The following IMP4 variants were observed in gnomAD, a reference collection of about 807,000 sequenced individuals.
IMP4 encodes the protein U3 small nucleolar ribonucleoprotein IMP4.
IMP4 carries 30 observed loss-of-function variants against 42.7 expected under a neutral mutation model. The observed-to-expected ratio is 0.70, with a 90% CI of 0.53 to 0.95. The LOEUF is 0.95. Among genes scored for constraint, IMP4 ranks in the 40% least tolerant of loss-of-function variants. The probability of loss-of-function intolerance (pLI) is 0.00; values close to 1 mark genes in which losing one functional copy is unlikely to be tolerated. For missense variants in IMP4, 382 were observed against 411.4 expected (o/e 0.93, Z 0.62); for synonymous variants, 165 against 165.2 (o/e 1.00, Z 0.01).
Position 130,342,946 on chromosome 2 carries a change from G to T in IMP4, c.3+11G>T. On this transcript the variant is annotated intron_variant, in intron 1 of 8. Transcript: ENST00000259239. ...GCGGCACTCAAGATGGTAGGAGAAT[G>T]AGCTCCTGTTTCGGAGGTCCGGGGC... 1.9e-6 allele frequency: 3 copies of T among 1,614,194 alleles called. No homozygotes were observed. Among genetic ancestry groups the T allele is most frequent in the Non-Finnish European group, 2.5e-6 (3 of 1,180,018 alleles).
chr2:130,346,690 G>T lies in IMP4; in HGVS notation c.*222G>T. Reference sequence around the variant, plus strand: ...AAGCCCATGGGATCCCTTTGGGTGGGGACCTGATGGCTGTGGGACGTGCTT... The same window carrying T: ...AAGCCCATGGGATCCCTTTGGGTGGTGACCTGATGGCTGTGGGACGTGCTT... On this transcript the variant is annotated 3_prime_UTR_variant, in exon 9 of 9. Transcript: ENST00000259239. 1.7e-6 allele frequency: 1 copy of T among 593,048 alleles called. No individual in the cohort carries two copies. The highest frequency in any genetic ancestry group is 2.0e-5 in the South Asian group (1 of 50,874). The allele number at this position is 593,048 out of a possible 1,614,324, so 36.7% of individuals were successfully genotyped here.
rs113605843 is a variant in IMP4 at position 130,345,108 on chromosome 2, T to C, written c.197-268T>C. ...ACCGTTGGCCTTAGCAGAGTGTGGA[T>C]TTCGTTGTGTAATGGAGTAGCTGCT... is the stretch of plus-strand genomic sequence containing the variant. On this transcript the variant is annotated intron_variant, in intron 3 of 8. Coordinates refer to ENST00000259239, the MANE Select transcript of IMP4 (RefSeq NM_033416.3). The surrounding 1 kb of genome is among the most constrained non-coding windows in gnomAD (Gnocchi z 4.9). 2.5e-3 allele frequency: 1,392 copies of C among 567,096 alleles called. 11 individuals are homozygous for C. The highest frequency in any genetic ancestry group is 0.022 in the African/African-American group (1,181 of 53,468). 35.1% of individuals were successfully genotyped at this position (567,096 alleles called of 1,614,324 possible). A position where few individuals can be genotyped will look rare whatever the true frequency, so the allele number is the denominator to read the frequency against.
chr2:130,344,747 C>T (rs1351764271), intron 3 of IMP4, 35 bp downstream of exon 3: 1 of 1,429,630 alleles, frequency 7.0e-7, no homozygotes, highest in South Asian at 1.1e-5. Flanking sequence ...CAACACTGAG[C>T]TGGCAGGTCT....
chr2:130,345,661 C>G lies in IMP4; in HGVS notation c.401C>G (p.Thr134Ser). The change falls in exon 5 of 9, where the codon ACC becomes AGC. Residue 134 changes from threonine (T) to serine (S), a missense_variant. By Grantham distance (58) the Thr-to-Ser change is moderately conservative. Coordinates refer to ENST00000259239, the MANE Select transcript of IMP4 (RefSeq NM_033416.3). This position sits in a 1 kb window ranked among gnomAD's most constrained non-coding sequence, Gnocchi z 4.9. Reference sequence around the variant, plus strand: ...CGAGCCTGCAAAGCCAACGGCGTCACCGATCTGCTGGTCGTTCACGAGCAT... The same window carrying G: ...CGAGCCTGCAAAGCCAACGGCGTCAGCGATCTGCTGGTCGTTCACGAGCAT... Reference protein sequence around the residue: ...LVRACKANGVTDLLVVHEHRG... With the variant: ...LVRACKANGVSDLLVVHEHRG... 1 of 1,614,122 alleles carries G rather than the reference C, an allele frequency of 6.2e-7. No individual in the cohort carries two copies. The highest frequency in any genetic ancestry group is 8.5e-7 in the Non-Finnish European group (1 of 1,180,040).
In IMP4 at chr2:130,345,247, G is replaced by A. The variant is rs538047467; in HGVS notation, c.197-129G>A. ...TAGTTGGAGGCTGCCCTCTTGCCCG[G>A]TGTGCATGTGGAGCATTCCTATTGT... is the stretch of plus-strand genomic sequence containing the variant. On this transcript the variant is annotated intron_variant, in intron 3 of 8. Transcript: ENST00000259239. The surrounding 1 kb of genome is among the most constrained non-coding windows in gnomAD (Gnocchi z 4.9). 1,024 of 699,140 alleles carry A rather than the reference G, an allele frequency of 1.5e-3. 3 individuals are homozygous for A. The highest frequency in any genetic ancestry group is 2.0e-3 in the Non-Finnish European group (781 of 388,726). The allele number at this position is 699,140 out of a possible 1,614,324, so 43.3% of individuals were successfully genotyped here. A position where few individuals can be genotyped will look rare whatever the true frequency, so the allele number is the denominator to read the frequency against.
Position 130,347,162 on chromosome 2 carries a change from A to G in IMP4, c.*694A>G, listed in dbSNP as rs1679642407. On this transcript the variant is annotated 3_prime_UTR_variant, in exon 9 of 9. Transcript: ENST00000259239. ...ATGGGAGTATAGCTATCTTTTGAAG[A>G]TAATGATTTCATCTCTTTTTTATAT... 1 of 152,488 alleles carries G rather than the reference A, an allele frequency of 6.6e-6. No homozygotes were observed. The highest frequency in any genetic ancestry group is 2.4e-5 in the African/African-American group (1 of 41,460). 9.4% of individuals were successfully genotyped at this position (152,488 alleles called of 1,614,324 possible). A position where few individuals can be genotyped will look rare whatever the true frequency, so the allele number is the denominator to read the frequency against.
rs1436277260 is a variant in IMP4 at position 130,343,145 on chromosome 2, G to C, written c.63G>C (p.Ala21=). The change falls in exon 2 of 9, where the codon GCG becomes GCC. Residue 21 remains alanine, a synonymous_variant. Transcript: ENST00000259239. ...TGTACCGCAAGGCCCGGGAGGAGGC[G>C]CAGCGCTCAGCCCAGGAGAGGAAGG... ...EYLYRKAREE[A]QRSAQERKER... The C allele has an allele frequency of 6.5e-7, 1 of 1,550,006 alleles. No individual in the cohort carries two copies. The highest frequency in any genetic ancestry group is 2.4e-5 in the East Asian group (1 of 40,902).
Position 130,345,686 on chromosome 2 carries a change from TC to T in IMP4, c.427del (p.Arg143GlyfsTer111). On this transcript the variant is annotated frameshift_variant, in exon 5 of 9. Coordinates refer to ENST00000259239, the MANE Select transcript of IMP4 (RefSeq NM_033416.3). LOFTEE classifies it high-confidence loss of function. The surrounding 1 kb of genome is among the most constrained non-coding windows in gnomAD (Gnocchi z 4.9). Reference protein sequence around the residue: ...VTDLLVVHEHRGTPVGLIVSH... With the variant: ...VTDLLVVHEHXGTPVGLIVSH... ...CCGATCTGCTGGTCGTTCACGAGCATCGGGGCACACCTGGTAAGGCCGGAGG... is the reference window on the plus strand; with the variant it reads ...CCGATCTGCTGGTCGTTCACGAGCATGGGGCACACCTGGTAAGGCCGGAGG... 1 of 1,613,720 alleles carries T rather than the reference TC, an allele frequency of 6.2e-7. No homozygotes were observed. The highest frequency in any genetic ancestry group is 2.2e-5 in the East Asian group (1 of 44,842).
chr2:130,346,524 A>AT lies in IMP4; in HGVS notation c.*56_*57insT. On this transcript the variant is annotated 3_prime_UTR_variant, in exon 9 of 9. Coordinates refer to ENST00000259239, the MANE Select transcript of IMP4 (RefSeq NM_033416.3). Reference sequence around the variant, plus strand: ...TTGGAACTCAGGATGGGGCTGTCATAGACAGACCCACCAGTAGGAACTGTC... The same window carrying AT: ...TTGGAACTCAGGATGGGGCTGTCATATGACAGACCCACCAGTAGGAACTGTC... 48 of 1,176,336 alleles carry AT rather than the reference A, an allele frequency of 4.1e-5. No individual in the cohort carries two copies. The highest frequency in any genetic ancestry group is 5.6e-5 in the Non-Finnish European group (45 of 808,470). The allele number at this position is 1,176,336 out of a possible 1,614,324, so 72.9% of individuals were successfully genotyped here. A position where few individuals can be genotyped will look rare whatever the true frequency, so the allele number is the denominator to read the frequency against.
rs763501922 is a variant in IMP4 at position 130,345,720 on chromosome 2, T to G, written c.439+21T>G. On this transcript the variant is annotated intron_variant, in intron 5 of 8. Transcript: ENST00000259239. The surrounding 1 kb of genome is among the most constrained non-coding windows in gnomAD (Gnocchi z 4.9). ...ACCTGGTAAGGCCGGAGGGAGGGAG[T>G]CGGGGTGGGAGCCGTCTGAGGGCAG... 1 of 1,611,942 alleles carries G rather than the reference T, an allele frequency of 6.2e-7. No individual in the cohort carries two copies.
Position 130,344,636 on chromosome 2 carries a change from C to T in IMP4, c.120C>T (p.Arg40=). ...ERLRRALEEN[R]LIPTELRREA... ...TCTCTCTTCCCTCTGCAGAAAACCGCCTGATTCCCACTGAGTTACGCCGAG... is the reference window on the plus strand; with the variant it reads ...TCTCTCTTCCCTCTGCAGAAAACCGTCTGATTCCCACTGAGTTACGCCGAG... The change falls in exon 3 of 9, where the codon CGC becomes CGT. Residue 40 remains arginine, a synonymous_variant. Coordinates refer to ENST00000259239, the MANE Select transcript of IMP4 (RefSeq NM_033416.3). 1 of 1,613,780 alleles carries T rather than the reference C, an allele frequency of 6.2e-7. No individual in the cohort carries two copies. Among genetic ancestry groups the T allele is most frequent in the African/African-American group, 1.3e-5 (1 of 75,064 alleles).
intron 2 of IMP4, among the ~76,000 whole-genome samples, chr2:130,343,917 G>A (rs1034785192): frequency 8.5e-5 from 13 of 152,190 alleles, no homozygotes; most frequent in African/African-American, 3.1e-4. Flanking sequence ...TCCAGGGCCC[G>A]CTGAAGCCAT....
rs774670284 is a variant in IMP4 at position 130,346,474 on chromosome 2, C to T, written c.*6C>T. The stretch of plus-strand genomic sequence containing the variant: ...TCTTCCTGAGCACCGAGTGAGCACA[C>T]TCACCACTCAGTCAGGACATGGACT... On this transcript the variant is annotated 3_prime_UTR_variant, in exon 9 of 9. Coordinates refer to ENST00000259239, the MANE Select transcript of IMP4 (RefSeq NM_033416.3). The T allele has an allele frequency of 3.8e-5, 58 of 1,541,814 alleles. No individual in the cohort carries two copies. The highest frequency in any genetic ancestry group is 4.8e-5 in the Non-Finnish European group (55 of 1,137,578).
chr2:130,343,438 G>A (rs372488819), intron 2 of IMP4: 3 of 694,088 alleles, frequency 4.3e-6, no homozygotes, highest in Non-Finnish European at 5.4e-6. Context: ...AAGTTTTAAA[G>A]ACTTTATCTT....
At chr2:130,343,940 CTGT>C (rs1679292762) in intron 2 of IMP4, among the ~76,000 whole-genome samples, 5 of 152,198 alleles carry the variant, frequency 3.3e-5, no homozygotes, top group Non-Finnish European at 7.3e-5. Flanking sequence ...CTTCGAAGCG[CTGT>C]GGGCATCGTG....
Position 130,343,365 on chromosome 2 carries a change from C to G in IMP4, c.112+171C>G, listed in dbSNP as rs1382367809. 4.2e-6 allele frequency: 3 copies of G among 721,104 alleles called. No homozygotes were observed. In the East Asian group the frequency reaches 8.1e-5, roughly 19 times the overall value. The allele number at this position is 721,104 out of a possible 1,614,324, so 44.7% of individuals were successfully genotyped here. On this transcript the variant is annotated intron_variant, in intron 2 of 8. Coordinates refer to ENST00000259239, the MANE Select transcript of IMP4 (RefSeq NM_033416.3). ...GTGTGATGGTATTAATTACTTGTCA[C>G]TGACGTTGCAGTACCCGGGTTTTGC...
intron 2 of IMP4, among the ~76,000 whole-genome samples, chr2:130,344,156 G>A (rs1261878883): frequency 6.6e-6 from 1 of 152,136 alleles, no homozygotes; most frequent in Non-Finnish European, 1.5e-5. Context: ...GTGAAACCCC[G>A]TCTCTACTAA....
At position 130,346,762 on chromosome 2, in the gene IMP4, TA is replaced by T; in HGVS notation, c.*296del. 1 of 463,396 alleles carries T rather than the reference TA, an allele frequency of 2.2e-6. No homozygotes were observed. The highest frequency in any genetic ancestry group is 2.2e-5 in the South Asian group (1 of 46,302). 28.7% of individuals were successfully genotyped at this position (463,396 alleles called of 1,614,324 possible). ...GTTAACAGAGAGAGAGATTTGATGCTAACGTCCCCTCAAGAGTGAGGGTCAT... is the reference window on the plus strand; with the variant it reads ...GTTAACAGAGAGAGAGATTTGATGCTACGTCCCCTCAAGAGTGAGGGTCAT... On this transcript the variant is annotated 3_prime_UTR_variant, in exon 9 of 9. Coordinates refer to ENST00000259239, the MANE Select transcript of IMP4 (RefSeq NM_033416.3).
At chr2:130,343,065 C>G (rs763167644) in intron 1 of IMP4, 21 bp from the exon 2 acceptor site, 3 of 1,587,162 alleles carry the variant, frequency 1.9e-6, no homozygotes, top group Non-Finnish European at 2.6e-6. Context: ...TAGTGAGTGA[C>G]TGGGCCTGCT....
Sources: allele counts gnomAD v4.1 joint callset (sites outside exome capture counted in the v4.1 genomes callset), GRCh38; gene constraint gnomAD v4.1.1; non-coding constraint Gnocchi (gnomAD v3.1); transcripts MANE v1.5; gene names NCBI Gene and HGNC (gene_info 2026-07-23, HGNC 2026-07-21).